Variants in TMEM259 observed in about 807,000 individuals in gnomAD.
The protein encoded by TMEM259 is membralin.
A neutral mutation model predicts 46.7 loss-of-function variants in TMEM259; 26 were observed. The observed-to-expected ratio is 0.56, with a 90% confidence interval of 0.41 to 0.77. TMEM259 has a LOEUF of 0.77. TMEM259 is among the 30% of genes least tolerant of loss of function. The pLI is 0.00. For synonymous variants in TMEM259, 494 were observed against 395.1 expected (o/e 1.25, Z -2.97); for missense variants, 930 against 900.5 (o/e 1.03, Z -0.42).
chr19:1,020,775 G>A lies in TMEM259; in HGVS notation c.222C>T (p.Leu74=), dbSNP rs1290326713. The A allele has an allele frequency of 1.5e-6, 2 of 1,339,244 alleles. No individual in the cohort carries two copies. The highest frequency in any genetic ancestry group is 3.7e-5 in the Admixed American group (1 of 26,906). The allele number at this position is 1,339,244 out of a possible 1,614,324, so 83.0% of individuals were successfully genotyped here. A position where few individuals can be genotyped will look rare whatever the true frequency, so the allele number is the denominator to read the frequency against. The stretch of plus-strand genomic sequence containing the variant: ...CGGGGGTCGGGGCCGCGGTCACCTT[G>A]AGCAGCACGAAGAACTCGAAGAGAC... ...FRRLFEFFVL[L]KALFVLFVLA... Residue 74 remains leucine (L), a synonymous_variant, in exon 1 of 11, where the codon CTC becomes CTT. Transcript: ENST00000356663. The surrounding 1 kb of genome is among the most constrained non-coding windows in gnomAD (Gnocchi z 4.0).
intron 3 of TMEM259, 39 bp from the exon 4 acceptor site, chr19:1,012,612 A>C (rs970100): frequency 0.58 from 886,456 of 1,541,224 alleles, 257,883 homozygotes; most frequent in African/African-American, 0.69. Context: ...GCGCCCCCAC[A>C]CACGTCCCCC....
intron 1 of TMEM259, among the ~76,000 whole-genome samples, chr19:1,017,790 G>A (rs914627496): frequency 2.6e-5 from 4 of 152,080 alleles, no homozygotes; most frequent in African/African-American, 9.7e-5. Flanking sequence ...ACACAAGCCC[G>A]CGGAGCCACA....
rs769714757 is a variant in TMEM259 at position 1,014,305 on chromosome 19, CGCT to C, written c.391_393del (p.Ser131del). 3 of 1,612,986 alleles carry C rather than the reference CGCT, an allele frequency of 1.9e-6. No individual in the cohort carries two copies. The highest frequency in any genetic ancestry group is 2.7e-5 in the African/African-American group (2 of 74,948). On this transcript the variant is annotated inframe_deletion, in exon 2 of 11. Transcript: ENST00000356663. ...AGGCCCGGGAAGCTCCCGCGGCCGCCGCTGTCACAGAACTGTAGGAAGACGGGC... is the reference window on the plus strand; with the variant it reads ...AGGCCCGGGAAGCTCCCGCGGCCGCCGTCACAGAACTGTAGGAAGACGGGC...
At chr19:1,012,940 G>C (rs1170314535) in intron 3 of TMEM259, among the ~76,000 whole-genome samples, 2 of 152,134 alleles carry the variant, frequency 1.3e-5, no homozygotes, top group African/African-American at 4.8e-5. Flanking sequence ...GGCGGGGGCG[G>C]GGGCTTCCCT....
chr19:1,018,723 C>T (rs1244149074), intron 1 of TMEM259, among the ~76,000 whole-genome samples: 5 of 152,190 alleles, frequency 3.3e-5, no homozygotes, highest in Non-Finnish European at 7.4e-5. Flanking sequence ...TGGTGGCTCA[C>T]GCCTGTAATC....
chr19:1,011,311 G>GC, intron 9 of TMEM259, 56 bp downstream of exon 9: 1 of 1,542,934 alleles, frequency 6.5e-7, no homozygotes, highest in Non-Finnish European at 8.7e-7. Flanking sequence ...CCCTCTGGCA[G>GC]CCCCCTACCC....
In TMEM259 at chr19:1,012,415, G is replaced by A. The variant is rs752997278; in HGVS notation, c.718+48C>T. ...CAGCAGGAGGAGACCCGAGGGAGGA[G>A]GGGAGGCCCCGCCATGGAGCTCCCC... On this transcript the variant is annotated intron_variant, in intron 4 of 10. Coordinates refer to ENST00000356663, the MANE Select transcript of TMEM259 (RefSeq NM_001033026.2). 4 of 1,539,106 alleles carry A rather than the reference G, an allele frequency of 2.6e-6. No individual in the cohort carries two copies. The African/African-American group carries it at 5.5e-5, about 21-fold the overall frequency.
At chr19:1,013,794 C>T (rs2039016318) in intron 2 of TMEM259, among the ~76,000 whole-genome samples, 1 of 152,258 alleles carries the variant, frequency 6.6e-6, no homozygotes, top group Non-Finnish European at 1.5e-5. Context: ...AGCACCTCTG[C>T]AGGCAGTGGG....
chr19:1,010,129 C>G lies in TMEM259; in HGVS notation c.*221G>C. The G allele has an allele frequency of 1.9e-6, 1 of 515,058 alleles. No individual in the cohort carries two copies. The allele number at this position is 515,058 out of a possible 1,614,324, so 31.9% of individuals were successfully genotyped here. A position where few individuals can be genotyped will look rare whatever the true frequency, so the allele number is the denominator to read the frequency against. ...CGCGGAACCCCACCCCCTCTCCTTGCTGACCAGCTCAAACACCTCACTAGC... is the reference window on the plus strand; with the variant it reads ...CGCGGAACCCCACCCCCTCTCCTTGGTGACCAGCTCAAACACCTCACTAGC... On this transcript the variant is annotated 3_prime_UTR_variant, in exon 11 of 11. Transcript: ENST00000356663.
chr19:1,013,630 A>C (rs1360674619), intron 2 of TMEM259: 1 of 365,958 alleles, frequency 2.7e-6, no homozygotes, highest in Non-Finnish European at 5.1e-6. Context: ...TGCTCTGCCC[A>C]AACACTCAAA....
chr19:1,011,080 GC>G lies in TMEM259; in HGVS notation c.1317+15del. The G allele has an allele frequency of 6.4e-7, 1 of 1,570,146 alleles. No individual in the cohort carries two copies. Among genetic ancestry groups the G allele is most frequent in the Non-Finnish European group, 8.6e-7 (1 of 1,158,750 alleles). ...GGCACGGCTGGCCTGCCCCCTGCTT[GC>G]CGCCCAGGCCTCACCTGGATGAAGA... On this transcript the variant is annotated intron_variant, in intron 10 of 10. Transcript: ENST00000356663.
At position 1,014,394 on chromosome 19, in the gene TMEM259, C is replaced by T. The variant is rs200204634; in HGVS notation, c.305G>A (p.Arg102His). ...RSPINCLEHV[R>H]DKWPREGILR... ...GATGCCCTCACGCGGCCACTTGTCA[C>T]GCACATGCTCCAGGCAGTTGATGGG... Residue 102 changes from arginine (R) to histidine (H), a missense_variant, in exon 2 of 11, where the codon CGT becomes CAT. Transcript: ENST00000356663. The T allele has an allele frequency of 5.0e-6, 8 of 1,612,770 alleles. No homozygotes were observed. Among genetic ancestry groups the T allele is most frequent in the African/African-American group, 2.7e-5 (2 of 74,930 alleles).
At position 1,011,885 on chromosome 19, in the gene TMEM259, C is replaced by A; in HGVS notation, c.942+7G>T. 1 of 1,606,600 alleles carries A rather than the reference C, an allele frequency of 6.2e-7. No individual in the cohort carries two copies. The highest frequency in any genetic ancestry group is 1.1e-5 in the South Asian group (1 of 90,736). Reference sequence around the variant, plus strand: ...GCCAGCCCCCGCACCCGCCCCGAGGCACTCACGAAGATGACCATGATGGCG... The same window carrying A: ...GCCAGCCCCCGCACCCGCCCCGAGGAACTCACGAAGATGACCATGATGGCG... On this transcript the variant is annotated splice_region_variant and intron_variant, in intron 6 of 10. Coordinates refer to ENST00000356663, the MANE Select transcript of TMEM259 (RefSeq NM_001033026.2).
chr19:1,017,295 G>GGGCCCCT, intron 1 of TMEM259: 1 of 400,038 alleles, frequency 2.5e-6, no homozygotes, highest in Admixed American at 4.4e-5. Flanking sequence ...ATGCTCCCAT[G>GGGCCCCT]GGCCCCTGGC....
Position 1,021,022 on chromosome 19 carries a change from C to T in TMEM259, c.-26G>A. 11 of 1,351,550 alleles carry T rather than the reference C, an allele frequency of 8.1e-6. No homozygotes were observed. The highest frequency in any genetic ancestry group is 1.7e-5 in the South Asian group (1 of 60,360). 83.7% of individuals were successfully genotyped at this position (1,351,550 alleles called of 1,614,324 possible). On this transcript the variant is annotated 5_prime_UTR_variant, in exon 1 of 11. Coordinates refer to ENST00000356663, the MANE Select transcript of TMEM259 (RefSeq NM_001033026.2). ...GCCTCCCAGCGTCGCGCCCTAACGA[C>T]CCGCAAGTGTCCGAGGGCGCCTCCC...
chr19:1,019,745 G>A (rs1000919581), intron 1 of TMEM259, among the ~76,000 whole-genome samples: 2 of 152,196 alleles, frequency 1.3e-5, no homozygotes, highest in Non-Finnish European at 2.9e-5. Flanking sequence ...CTCTTTGCAG[G>A]CTAGATCCAA....
chr19:1,021,047 C>G lies in TMEM259; in HGVS notation c.-51G>C, dbSNP rs2039279007. 7 of 1,288,744 alleles carry G rather than the reference C, an allele frequency of 5.4e-6. No individual in the cohort carries two copies. Among genetic ancestry groups the G allele is most frequent in the Admixed American group, 3.9e-5 (1 of 25,902 alleles). The allele number at this position is 1,288,744 out of a possible 1,614,324, so 79.8% of individuals were successfully genotyped here. A position where few individuals can be genotyped will look rare whatever the true frequency, so the allele number is the denominator to read the frequency against. ...CCCGCAAGTGTCCGAGGGCGCCTCC[C>G]GGCCGCCATCGGCCGCCCTCGCAGC... is the stretch of plus-strand genomic sequence containing the variant. On this transcript the variant is annotated 5_prime_UTR_variant, in exon 1 of 11. Transcript: ENST00000356663.
rs117136488 is a variant in TMEM259, at chr19:1,013,349, G to A, written c.508-9C>T. ...TCGATGTCCAGCTCAAACTGTGGGC[G>A]ACCAGGGACCTGGGTGTCAGCAGCG... On this transcript the variant is annotated splice_polypyrimidine_tract_variant and intron_variant, in intron 2 of 10. Transcript: ENST00000356663. 63 of 1,613,030 alleles carry A rather than the reference G, an allele frequency of 3.9e-5. No individual in the cohort carries two copies. Among genetic ancestry groups the A allele is most frequent in the African/African-American group, 1.6e-4 (12 of 75,048 alleles).
At position 1,010,193 on chromosome 19, in the gene TMEM259, G is replaced by A. The variant is rs915337659; in HGVS notation, c.*157C>T. The stretch of plus-strand genomic sequence containing the variant: ...GGGCGCGACCTCACACCAGGGGGAG[G>A]AAAGCCGCCTTCCGGGCAAACCCCA... On this transcript the variant is annotated 3_prime_UTR_variant, in exon 11 of 11. Coordinates refer to ENST00000356663, the MANE Select transcript of TMEM259 (RefSeq NM_001033026.2). The A allele has an allele frequency of 7.3e-6, 5 of 689,464 alleles. No homozygotes were observed. The East Asian group carries it at 1.6e-4, about 22-fold the overall frequency. 42.7% of individuals were successfully genotyped at this position (689,464 alleles called of 1,614,324 possible).
Sources: gnomAD v4.1 joint callset for allele counts (sites outside exome capture counted in the v4.1 genomes callset) on GRCh38, gnomAD v4.1.1 for gene constraint, Gnocchi (gnomAD v3.1) non-coding constraint, MANE v1.5 for transcripts, NCBI Gene and HGNC (gene_info 2026-07-23, HGNC 2026-07-21) for gene names.